Variants in ARFIP1 observed in about 807,000 individuals in gnomAD.
The protein encoded by ARFIP1 is arfaptin-1.
In ARFIP1, 24 loss-of-function variants were observed where a neutral mutation model predicts 42.5. The ratio of observed to expected loss-of-function variants is 0.57; its 90% CI spans 0.41 to 0.80. The LOEUF is 0.80. Ranked by LOEUF, ARFIP1 falls within the 30% of genes least tolerant of loss-of-function variation. ARFIP1 has a pLI of 0.00. For missense variants in ARFIP1, 354 were observed against 434.0 expected (o/e 0.82, Z 1.64); for synonymous variants, 141 against 153.7 (o/e 0.92, Z 0.61).
chr4:152,831,863 T>G (rs533239196), intron 2 of ARFIP1, among the ~76,000 whole-genome samples: 129 of 152,266 alleles, frequency 8.5e-4, no homozygotes, highest in Non-Finnish European at 1.4e-3. Flanking sequence ...GCTGCACCTG[T>G]CAACCCATCA....
intron 5 of ARFIP1, among the ~76,000 whole-genome samples, chr4:152,875,586 T>G (rs569592925): frequency 1.4e-4 from 21 of 152,318 alleles, no homozygotes; most frequent in Admixed American, 1.3e-3. Flanking sequence ...CATTTATTGG[T>G]TGACTTACTT....
At chr4:152,796,682 GT>G in intron 1 of ARFIP1, 2 of 883,920 alleles carry the variant, frequency 2.3e-6, no homozygotes, top group Non-Finnish European at 3.8e-6. Context: ...GCATGGCGCT[GT>G]TTATGATTAA....
intron 1 of ARFIP1, among the ~76,000 whole-genome samples, chr4:152,801,284 T>G (rs748992716): frequency 1.3e-5 from 2 of 152,094 alleles, no homozygotes; most frequent in Non-Finnish European, 2.9e-5. Context: ...GAAACCTAAA[T>G]GAGGTGAGGA....
At chr4:152,908,174 T>C (rs1183688458) in intron 8 of ARFIP1, among the ~76,000 whole-genome samples, 1 of 152,248 alleles carries the variant, frequency 6.6e-6, no homozygotes, top group African/African-American at 2.4e-5. Flanking sequence ...TGTTATTTGC[T>C]CTTTTTTAAT....
chr4:152,817,947 A>C (rs75476249), intron 1 of ARFIP1, among the ~76,000 whole-genome samples: 1 of 152,236 alleles, frequency 6.6e-6, no homozygotes, highest in African/African-American at 2.4e-5. Context: ...TTAGAAAAAA[A>C]CAGTAAATAA....
intron 2 of ARFIP1, among the ~76,000 whole-genome samples, chr4:152,859,058 G>GT (rs1451194535): frequency 4.0e-5 from 6 of 151,718 alleles, no homozygotes; most frequent in Admixed American, 3.3e-4. Context: ...TCTCTTTTTT[G>GT]TTTTTTGTTT....
At chr4:152,802,575 T>G (rs1054148783) in intron 1 of ARFIP1, among the ~76,000 whole-genome samples, 1 of 152,150 alleles carries the variant, frequency 6.6e-6, no homozygotes, top group Non-Finnish European at 1.5e-5. Context: ...TACCACTTTG[T>G]TTTTGTTTGC....
chr4:152,862,449 TAA>T (rs79175273), intron 2 of ARFIP1, among the ~76,000 whole-genome samples: 20 of 143,884 alleles, frequency 1.4e-4, no homozygotes, highest in Admixed American at 1.4e-4. Context: ...GTCCTAGGTT[TAA>T]AAAAAAAAAA....
chr4:152,894,657 A>G (rs1199454959), intron 8 of ARFIP1, among the ~76,000 whole-genome samples: 1 of 152,266 alleles, frequency 6.6e-6, no homozygotes, highest in African/African-American at 2.4e-5. Flanking sequence ...GTCTGTAAGC[A>G]TAACAAGCAA....
chr4:152,780,722 C>T (rs1436923451), intron 1 of ARFIP1, among the ~76,000 whole-genome samples: 1 of 152,164 alleles, frequency 6.6e-6, no homozygotes, highest in African/African-American at 2.4e-5. Flanking sequence ...ATGTCCCAAG[C>T]CTGACTAAGG....
chr4:152,840,078 G>T (rs936645225), intron 2 of ARFIP1, among the ~76,000 whole-genome samples: 1 of 152,184 alleles, frequency 6.6e-6, no homozygotes, highest in Admixed American at 6.5e-5. Context: ...TTTTGGAGTT[G>T]ATATCCAGTT....
intron 5 of ARFIP1, among the ~76,000 whole-genome samples, chr4:152,874,523 A>AT (rs1290517367): frequency 6.6e-6 from 1 of 152,226 alleles, no homozygotes; most frequent in Non-Finnish European, 1.5e-5. Flanking sequence ...TGGGGTCTGC[A>AT]TGACTCTCTG....
intron 5 of ARFIP1, 111 bp from the exon 6 acceptor site, chr4:152,880,852 G>T: frequency 1.3e-6 from 1 of 796,238 alleles, no homozygotes; most frequent in East Asian, 2.5e-5. Flanking sequence ...ACAATTTTCA[G>T]TTTGTTACGC....
chr4:152,829,580 T>C lies in ARFIP1; in HGVS notation c.-9-45T>C, dbSNP rs1731106029. On this transcript the variant is annotated intron_variant, in intron 1 of 8. Transcript: ENST00000353617. ...ACTATAAACATGAATATAGTCTTTA[T>C]GATTTGGTATTAGTTACGGCGCTTT... 4 of 1,324,948 alleles carry C rather than the reference T, an allele frequency of 3.0e-6. No individual in the cohort carries two copies. The East Asian group carries it at 9.2e-5, about 31-fold the overall frequency. 82.1% of individuals were successfully genotyped at this position (1,324,948 alleles called of 1,614,324 possible).
chr4:152,789,108 T>TG lies in ARFIP1; in HGVS notation c.-10+8883dup, dbSNP rs1491457472. The stretch of plus-strand genomic sequence containing the variant: ...TTTTTTTTTTTTTTTTTTTTTTTTT[T>TG]GAGGTAGAGTCTCACTCTGTTGCCC... On this transcript the variant is annotated intron_variant, in intron 1 of 8. Coordinates refer to ENST00000353617, the MANE Select transcript of ARFIP1 (RefSeq NM_001025595.3). Among the ~76,000 whole-genome samples the TG allele has an allele frequency of 4.5e-3, 598 of 133,684 alleles. 23 individuals carry two copies. The highest frequency in any genetic ancestry group is 0.017 in the African/African-American group (557 of 32,560). 87.7% of individuals were successfully genotyped at this position (133,684 alleles called of 152,430 possible).
At chr4:152,842,061 C>A (rs1173234703) in intron 2 of ARFIP1, among the ~76,000 whole-genome samples, 1 of 152,104 alleles carries the variant, frequency 6.6e-6, no homozygotes, top group African/African-American at 2.4e-5. Flanking sequence ...CTAAGCCTAG[C>A]TGGGAAGGTG....
intron 2 of ARFIP1, among the ~76,000 whole-genome samples, chr4:152,847,637 A>G (rs1732671112): frequency 6.6e-6 from 1 of 152,092 alleles, no homozygotes; most frequent in Admixed American, 6.5e-5. Context: ...GAGTATTACA[A>G]TTTAATCTAA....
intron 8 of ARFIP1, among the ~76,000 whole-genome samples, chr4:152,905,280 C>T (rs763705107): frequency 8.5e-5 from 13 of 152,078 alleles, no homozygotes; most frequent in Non-Finnish European, 1.8e-4. Context: ...TTCTAAGATG[C>T]TTATACCATT....
intron 8 of ARFIP1, among the ~76,000 whole-genome samples, chr4:152,908,596 C>T (rs960675842): frequency 6.6e-6 from 1 of 151,256 alleles, no homozygotes; most frequent in Non-Finnish European, 1.5e-5. Context: ...GCAACAGAAG[C>T]AAAACTCCAT....
Sources: gnomAD v4.1 joint callset for allele counts (sites outside exome capture counted in the v4.1 genomes callset) on GRCh38, gnomAD v4.1.1 for gene constraint, MANE v1.5 for transcripts, NCBI Gene and HGNC (gene_info 2026-07-23, HGNC 2026-07-21) for gene names.